The following SIK2 variants were observed in gnomAD, a reference collection of about 807,000 sequenced individuals.
SIK2 encodes serine/threonine-protein kinase SIK2.
In SIK2, 29 loss-of-function variants were observed where a neutral mutation model predicts 103.2. That is an observed-to-expected ratio of 0.28 (90% CI 0.21 to 0.38). SIK2 has a LOEUF of 0.38. Among genes scored for constraint, SIK2 ranks in the 10% least tolerant of loss-of-function variants. The probability of loss-of-function intolerance (pLI) is 1.00; values close to 1 mark genes in which losing one functional copy is unlikely to be tolerated. For missense variants in SIK2, 879 were observed against 1,171.0 expected (o/e 0.75, Z 3.64); for synonymous variants, 412 against 446.1 (o/e 0.92, Z 0.96).
intron 3 of SIK2, among the ~76,000 whole-genome samples, chr11:111,635,551 C>T (rs541609271): frequency 2.4e-4 from 37 of 152,110 alleles, no homozygotes; most frequent in African/African-American, 8.7e-4. Flanking sequence ...AGTCAACTTT[C>T]TACGCCTAAA....
chr11:111,720,914 G>A lies in SIK2; in HGVS notation c.1796G>A (p.Arg599Lys). 6.2e-7 allele frequency: 1 copy of A among 1,613,784 alleles called. No homozygotes were observed. Among genetic ancestry groups the A allele is most frequent in the Non-Finnish European group, 8.5e-7 (1 of 1,179,922 alleles). ...TTTCTTTCAGGAATTGTAGCATTTAGACAACATCTTCAGAATCTGGCTAGA... is the reference window on the plus strand; with the variant it reads ...TTTCTTTCAGGAATTGTAGCATTTAAACAACATCTTCAGAATCTGGCTAGA... Reference protein sequence around the residue: ...TSLTQGIVAFRQHLQNLARTK... With the variant: ...TSLTQGIVAFKQHLQNLARTK... Residue 599 changes from arginine to lysine, a missense_variant, in exon 12 of 15, where the codon AGA (arginine) becomes AAA (lysine). Arg to Lys is a conservative substitution (Grantham distance 26). Coordinates refer to ENST00000304987, the MANE Select transcript of SIK2 (RefSeq NM_015191.3).
intron 1 of SIK2, among the ~76,000 whole-genome samples, chr11:111,609,503 G>A (rs1031374167): frequency 6.6e-6 from 1 of 152,040 alleles, no homozygotes; most frequent in Admixed American, 6.6e-5. Context: ...TAAATTTTTT[G>A]TAAAGACAAG....
chr11:111,627,992 T>G (rs1427934653), intron 3 of SIK2, among the ~76,000 whole-genome samples: 1 of 152,232 alleles, frequency 6.6e-6, no homozygotes, highest in African/African-American at 2.4e-5. Context: ...AATTCCTGTT[T>G]AATCTTCCTA....
rs144189062 is a variant in SIK2 at position 111,707,810 on chromosome 11, C to T, written c.1101+2671C>T. On this transcript the variant is annotated intron_variant, in intron 8 of 14. Coordinates refer to ENST00000304987, the MANE Select transcript of SIK2 (RefSeq NM_015191.3). ...CATGATCCAGTCAATACAAAGATAA[C>T]GTGAGCTGTGGAATCATGCAGACCT... 3.9e-5 allele frequency among the ~76,000 whole-genome samples: 6 copies of T among 152,164 alleles called. No homozygotes were observed. In the East Asian group the frequency reaches 9.7e-4, roughly 24 times the overall value.
At chr11:111,622,254 T>C (rs1217089299) in intron 3 of SIK2, among the ~76,000 whole-genome samples, 125 of 124,940 alleles carry the variant, frequency 1.0e-3, no homozygotes, top group African/African-American at 3.2e-3. Context: ...TTTCTTTTTT[T>C]TTTTTTTTTT....
chr11:111,723,474 TC>T, intron 14 of SIK2, 21 bp from the exon 15 acceptor site: 1 of 1,559,596 alleles, frequency 6.4e-7, no homozygotes, highest in Non-Finnish European at 8.7e-7. Flanking sequence ...TAAAATTCTT[TC>T]CTTTGATATT....
At chr11:111,605,118 A>G (rs1941632797) in intron 1 of SIK2, among the ~76,000 whole-genome samples, 1 of 152,054 alleles carries the variant, frequency 6.6e-6, no homozygotes, top group African/African-American at 2.4e-5. Context: ...GCTCACCACC[A>G]TGCCCGGCTA....
chr11:111,687,161 C>A (rs2135892779), intron 3 of SIK2, among the ~76,000 whole-genome samples: 1 of 152,180 alleles, frequency 6.6e-6, no homozygotes, highest in Middle Eastern at 3.4e-3. Context: ...TATTATGCTG[C>A]TTGCTGCTGA....
chr11:111,687,906 GA>G (rs535815339), intron 3 of SIK2, 94 bp from the exon 4 acceptor site: 8 of 1,416,074 alleles, frequency 5.6e-6, no homozygotes, highest in African/African-American at 4.3e-5. Context: ...CTCCTGGCCA[GA>G]AAAAAAACTT....
At chr11:111,678,316 T>G (rs1236726288) in intron 3 of SIK2, among the ~76,000 whole-genome samples, 1 of 152,194 alleles carries the variant, frequency 6.6e-6, no homozygotes, top group African/African-American at 2.4e-5. Context: ...TTTTCTCCAC[T>G]CAAATAGAAG....
intron 3 of SIK2, among the ~76,000 whole-genome samples, chr11:111,663,247 ATAG>A (rs1300532030): frequency 6.9e-6 from 1 of 145,528 alleles, no homozygotes; most frequent in Non-Finnish European, 1.5e-5. Context: ...AAAAAAAAAA[ATAG>A]TAGGGTAAAG....
chr11:111,706,309 G>A (rs550049193), intron 8 of SIK2, among the ~76,000 whole-genome samples: 1 of 152,308 alleles, frequency 6.6e-6, no homozygotes, highest in South Asian at 2.1e-4. Context: ...CTGTTCTTGA[G>A]CCAGAGCCTG....
At chr11:111,632,702 T>C (rs1942055325) in intron 3 of SIK2, among the ~76,000 whole-genome samples, 1 of 152,166 alleles carries the variant, frequency 6.6e-6, no homozygotes, top group African/African-American at 2.4e-5. Flanking sequence ...CTTAGAGTTC[T>C]TTGAACTTCA....
Position 111,714,802 on chromosome 11 carries a change from C to G in SIK2, c.1266+2427C>G, listed in dbSNP as rs1371156113. Among the ~76,000 whole-genome samples the G allele has an allele frequency of 2.0e-5, 3 of 152,132 alleles. No individual in the cohort carries two copies. In the East Asian group the frequency reaches 5.8e-4, roughly 29 times the overall value. ...GACCGAAAGGATTTAGTGTCTGGGCCCCTAAGGATGAGTCCACTGCCTAGG... is the reference window on the plus strand; with the variant it reads ...GACCGAAAGGATTTAGTGTCTGGGCGCCTAAGGATGAGTCCACTGCCTAGG... On this transcript the variant is annotated intron_variant, in intron 9 of 14. Coordinates refer to ENST00000304987, the MANE Select transcript of SIK2 (RefSeq NM_015191.3).
chr11:111,680,261 C>T (rs1357481109), intron 3 of SIK2, among the ~76,000 whole-genome samples: 1 of 151,954 alleles, frequency 6.6e-6, no homozygotes, highest in Admixed American at 6.6e-5. Context: ...TTAAAGAGAG[C>T]AAATTAGCCA....
intron 3 of SIK2, among the ~76,000 whole-genome samples, chr11:111,673,902 C>T (rs747701681): frequency 3.3e-5 from 5 of 151,758 alleles, no homozygotes; most frequent in Non-Finnish European, 7.4e-5. Flanking sequence ...TGTGGAACCC[C>T]ATCTCTACTA....
intron 9 of SIK2, among the ~76,000 whole-genome samples, chr11:111,717,401 T>G (rs1272364490): frequency 6.8e-6 from 1 of 146,540 alleles, no homozygotes; most frequent in Non-Finnish European, 1.5e-5. Context: ...AGATACTATC[T>G]CATGCCAGTC....
At chr11:111,720,377 G>A in intron 10 of SIK2, 101 bp from the exon 11 acceptor site, 1 of 1,201,430 alleles carries the variant, frequency 8.3e-7, no homozygotes, top group Non-Finnish European at 1.2e-6. Flanking sequence ...GGAAATTAAG[G>A]ACATGGTAGC....
intron 3 of SIK2, among the ~76,000 whole-genome samples, chr11:111,647,088 T>C (rs1031953795): frequency 6.6e-6 from 1 of 152,198 alleles, no homozygotes; most frequent in Non-Finnish European, 1.5e-5. Context: ...TATTTTCAAG[T>C]CAATAAATAC....
Sources: allele counts gnomAD v4.1 joint callset (sites outside exome capture counted in the v4.1 genomes callset), GRCh38; gene constraint gnomAD v4.1.1; transcripts MANE v1.5; gene names NCBI Gene and HGNC (gene_info 2026-07-23, HGNC 2026-07-21).